Variants in PRLR observed in about 807,000 individuals in gnomAD.
The protein encoded by PRLR is prolactin receptor.
In PRLR, 13 loss-of-function variants were observed where a neutral mutation model predicts 40.2. The observed-to-expected ratio is 0.32, with a 90% CI of 0.21 to 0.51. The LOEUF (loss-of-function observed/expected upper bound fraction) is 0.51. PRLR is among the 20% of genes least tolerant of loss of function. PRLR has a pLI of 0.97. For synonymous variants in PRLR, 269 were observed against 278.7 expected, an observed-to-expected ratio of 0.97 and a Z score of 0.35; for missense variants, 656 against 747.3, an observed-to-expected ratio of 0.88 and a Z score of 1.42.
In PRLR at chr5:35,148,350, G is replaced by A. The variant is rs373157902; in HGVS notation, c.-105-30228C>T. Among the ~76,000 whole-genome samples the A allele has an allele frequency of 1.3e-3, 201 of 152,196 alleles. 5 individuals carry two copies. In the South Asian group the frequency reaches 0.04, roughly 31 times the overall value. ...GAGAATTGGTGATTTTTGTGCCTGT[G>A]TGATGCCAATAAAGGGGGTAGAAGA... On this transcript the variant is annotated intron_variant, in intron 1 of 9. Coordinates refer to ENST00000618457, the MANE Select transcript of PRLR (RefSeq NM_000949.7).
At chr5:35,154,946 G>A (rs565042336) in intron 1 of PRLR, among the ~76,000 whole-genome samples, 35 of 151,926 alleles carry the variant, frequency 2.3e-4, no homozygotes, top group African/African-American at 5.3e-4. Context: ...ATGAGAACGC[G>A]TGGACACATT....
At chr5:35,092,865 C>A (rs1370991024) in intron 2 of PRLR, among the ~76,000 whole-genome samples, 1 of 152,138 alleles carries the variant, frequency 6.6e-6, no homozygotes, top group East Asian at 1.9e-4. Context: ...CCACACCTTG[C>A]CTGTGGCTAG....
At chr5:35,159,016 CACTT>C (rs1359986776) in intron 1 of PRLR, among the ~76,000 whole-genome samples, 2 of 152,132 alleles carry the variant, frequency 1.3e-5, no homozygotes, top group African/African-American at 2.4e-5. Flanking sequence ...AGGTTTCTGA[CACTT>C]ACAACCAAAA....
intron 3 of PRLR, among the ~76,000 whole-genome samples, chr5:35,089,148 TA>T (rs1771050483): frequency 6.6e-6 from 1 of 152,226 alleles, no homozygotes; most frequent in African/African-American, 2.4e-5. Context: ...TATGGTTTTT[TA>T]AAGAGTTTTC....
intron 1 of PRLR, among the ~76,000 whole-genome samples, chr5:35,142,927 T>C (rs575786182): frequency 2.0e-4 from 30 of 152,250 alleles, no homozygotes; most frequent in Non-Finnish European, 4.3e-4. Flanking sequence ...ACCTACCACA[T>C]AGGACTGTTC....
At chr5:35,202,168 C>T (rs55902512) in intron 1 of PRLR, among the ~76,000 whole-genome samples, 15,916 of 152,234 alleles carry the variant, frequency 0.1, 975 homozygotes, top group Non-Finnish European at 0.13. Context: ...TTGCTTCTTA[C>T]AGGAAATTTA....
chr5:35,112,799 GC>G (rs1561310193), intron 2 of PRLR, among the ~76,000 whole-genome samples: 1 of 152,134 alleles, frequency 6.6e-6, no homozygotes, highest in Non-Finnish European at 1.5e-5. Flanking sequence ...CAAGATAATT[GC>G]TTGTCTCTCT....
At chr5:35,181,100 C>T (rs996610634) in intron 1 of PRLR, among the ~76,000 whole-genome samples, 5 of 149,922 alleles carry the variant, frequency 3.3e-5, no homozygotes, top group Non-Finnish European at 6.0e-5. Context: ...ATGGCCAATT[C>T]TCAAGGCTCT....
chr5:35,197,005 C>G (rs779363947), intron 1 of PRLR, among the ~76,000 whole-genome samples: 1 of 152,054 alleles, frequency 6.6e-6, no homozygotes, highest in African/African-American at 2.4e-5. Flanking sequence ...ATGAAGCCTC[C>G]CAAAGGCTCC....
chr5:35,072,446 G>T, intron 6 of PRLR, 129 bp downstream of exon 6: 1 of 1,021,452 alleles, frequency 9.8e-7, no homozygotes, highest in Non-Finnish European at 1.4e-6. Flanking sequence ...TCACATCTGG[G>T]TGGGTCACAA....
intron 1 of PRLR, among the ~76,000 whole-genome samples, chr5:35,216,064 A>T (rs1336745659): frequency 6.6e-6 from 1 of 152,036 alleles, no homozygotes; most frequent in African/African-American, 2.4e-5. Flanking sequence ...GAAAAGAAAA[A>T]AAAAAGAAAT....
At chr5:35,055,500 C>T (rs1444637656), downstream of PRLR, among the ~76,000 whole-genome samples, 2 of 151,898 alleles carry the variant, frequency 1.3e-5, no homozygotes, top group African/African-American at 2.4e-5. Flanking sequence ...GAAAAAAATG[C>T]CATGGGTGAG....
At chr5:35,132,216 TG>T (rs1392203115) in intron 1 of PRLR, among the ~76,000 whole-genome samples, 2 of 152,190 alleles carry the variant, frequency 1.3e-5, no homozygotes, top group African/African-American at 4.8e-5. Flanking sequence ...TAAACCTTCA[TG>T]TTCTAGGTCT....
chr5:35,203,236 G>A (rs2047739), intron 1 of PRLR, among the ~76,000 whole-genome samples: 86,844 of 152,034 alleles, frequency 0.57, 25,928 homozygotes, highest in Non-Finnish European at 0.67. Context: ...TCTATAGGCA[G>A]TAGAGAAGTG....
chr5:35,160,907 C>T (rs1191965882), intron 1 of PRLR, among the ~76,000 whole-genome samples: 4 of 152,208 alleles, frequency 2.6e-5, no homozygotes, highest in African/African-American at 9.6e-5. Context: ...CACAAGCCTT[C>T]GATAAGACTG....
intron 1 of PRLR, among the ~76,000 whole-genome samples, chr5:35,133,804 T>A (rs963395015): frequency 1.3e-5 from 2 of 152,156 alleles, no homozygotes; most frequent in African/African-American, 4.8e-5. Flanking sequence ...AGCAAAAAAA[T>A]GTCACAGTCT....
chr5:35,074,943 T>G (rs1457573675), intron 5 of PRLR, among the ~76,000 whole-genome samples: 1 of 152,106 alleles, frequency 6.6e-6, no homozygotes, highest in Non-Finnish European at 1.5e-5. Flanking sequence ...TTTTCTCCAT[T>G]CATTTATCAC....
In PRLR at chr5:35,064,053, C is replaced by G. The variant is rs1305565830; in HGVS notation, c.*1036G>C. On this transcript the variant is annotated 3_prime_UTR_variant, in exon 10 of 10. Coordinates refer to ENST00000618457, the MANE Select transcript of PRLR (RefSeq NM_000949.7). ...CCACAAACGGGAACTTTATATACTA[C>G]TATGTACTGTAAATACACATTATAA... 1 of 152,158 alleles carries G rather than the reference C, an allele frequency of 6.6e-6. No individual in the cohort carries two copies. Among genetic ancestry groups the G allele is most frequent in the Non-Finnish European group, 1.5e-5 (1 of 68,036 alleles). The allele number at this position is 152,158 out of a possible 1,614,324, so 9.4% of individuals were successfully genotyped here.
At chr5:35,176,446 G>A (rs902485712) in intron 1 of PRLR, among the ~76,000 whole-genome samples, 2 of 152,104 alleles carry the variant, frequency 1.3e-5, no homozygotes, top group African/African-American at 4.8e-5. Flanking sequence ...AGTAGACATA[G>A]GAGACTCCAT....
Sources: gnomAD v4.1 joint callset for allele counts (sites outside exome capture counted in the v4.1 genomes callset) on GRCh38, gnomAD v4.1.1 for gene constraint, MANE v1.5 for transcripts, NCBI Gene and HGNC (gene_info 2026-07-23, HGNC 2026-07-21) for gene names.